HTR1F: variants seen among roughly 807,000 people sequenced by gnomAD.
The protein encoded by HTR1F is 5-hydroxytryptamine (serotonin) receptor 1F, G protein-coupled.
HTR1F carries 17 observed loss-of-function variants against 24.0 expected under a neutral mutation model. The ratio of observed to expected loss-of-function variants is 0.71; its 90% CI spans 0.48 to 1.06. The LOEUF is 1.06. Among genes scored for constraint, HTR1F ranks in the 50% least tolerant of loss-of-function variants. The pLI is 0.00. For missense variants in HTR1F, 391 were observed against 427.8 expected (o/e 0.91, Z 0.76); for synonymous variants, 186 against 156.8 (o/e 1.19, Z -1.39).
intron 1 of HTR1F, among the ~76,000 whole-genome samples, chr3:87,811,531 G>T (rs1452617959): frequency 6.6e-6 from 1 of 152,106 alleles, no homozygotes; most frequent in Non-Finnish European, 1.5e-5. Context: ...GAAAAGAAAA[G>T]TATTAATGTT....
At chr3:87,895,177 T>C (rs1016723008) in intron 2 of HTR1F, among the ~76,000 whole-genome samples, 15 of 152,150 alleles carry the variant, frequency 9.9e-5, no homozygotes, top group African/African-American at 3.6e-4. Flanking sequence ...CTATTTGATT[T>C]CTCTCTTAAT....
chr3:87,846,807 T>C (rs1238701581), intron 2 of HTR1F, among the ~76,000 whole-genome samples: 1 of 152,008 alleles, frequency 6.6e-6, no homozygotes, highest in Non-Finnish European at 1.5e-5. Flanking sequence ...ATAAGATTTA[T>C]AGCTTTTGAA....
chr3:87,934,375 A>G (rs1441896262), intron 2 of HTR1F, among the ~76,000 whole-genome samples: 1 of 152,136 alleles, frequency 6.6e-6, no homozygotes, highest in Non-Finnish European at 1.5e-5. Flanking sequence ...CCAACAGTCC[A>G]TATCTATGAC....
chr3:87,979,465 A>G (rs1284855528), intron 2 of HTR1F, among the ~76,000 whole-genome samples: 3 of 152,130 alleles, frequency 2.0e-5, no homozygotes, highest in African/African-American at 7.2e-5. Context: ...TTTTCCTTTC[A>G]TTCTGTTGAC....
intron 2 of HTR1F, among the ~76,000 whole-genome samples, chr3:87,827,074 G>A (rs1704479222): frequency 1.3e-5 from 2 of 151,610 alleles, no homozygotes; most frequent in Non-Finnish European, 2.9e-5. Context: ...GCCTCCCAAA[G>A]TGTGGGAATT....
chr3:87,972,723 C>T (rs913584123), intron 2 of HTR1F, among the ~76,000 whole-genome samples: 4 of 152,132 alleles, frequency 2.6e-5, no homozygotes, highest in African/African-American at 9.7e-5. Flanking sequence ...AGGAATCAAA[C>T]CTCCTTCTTC....
intron 2 of HTR1F, among the ~76,000 whole-genome samples, chr3:87,824,597 T>A (rs778600835): frequency 3.3e-5 from 5 of 152,308 alleles, no homozygotes; most frequent in Middle Eastern, 6.8e-3. Flanking sequence ...ACCTTGTGAA[T>A]GAAAGAATGA....
At chr3:87,828,239 C>T (rs555037434) in intron 2 of HTR1F, among the ~76,000 whole-genome samples, 101 of 152,326 alleles carry the variant, frequency 6.6e-4, no homozygotes, top group Non-Finnish European at 1.2e-3. Flanking sequence ...CACTTTGTAA[C>T]TGACAAAATG....
rs1300960637 is a variant in HTR1F, at chr3:87,843,416, G to A, written c.-43+21292G>A. 2.6e-5 allele frequency among the ~76,000 whole-genome samples: 4 copies of A among 151,252 alleles called. No individual in the cohort carries two copies. In the East Asian group the frequency reaches 7.8e-4, roughly 29 times the overall value. On this transcript the variant is annotated intron_variant, in intron 2 of 2. Transcript: ENST00000319595. ...TATGTCAGATGTTTATATCATACAT[G>A]TTGTTTTGAAGTAACTTGAGAGCAA... is the stretch of plus-strand genomic sequence containing the variant.
At chr3:87,819,426 T>C (rs1277704240) in intron 1 of HTR1F, among the ~76,000 whole-genome samples, 1 of 151,936 alleles carries the variant, frequency 6.6e-6, no homozygotes, top group Non-Finnish European at 1.5e-5. Context: ...GCAGTTTTAT[T>C]TTTCATCTAG....
intron 2 of HTR1F, among the ~76,000 whole-genome samples, chr3:87,954,646 T>C (rs1704905490): frequency 6.6e-6 from 1 of 151,618 alleles, no homozygotes; most frequent in African/African-American, 2.4e-5. Context: ...TTGTTGTTAA[T>C]GAAAACAAAG....
chr3:87,843,532 T>G (rs1704857308), intron 2 of HTR1F, among the ~76,000 whole-genome samples: 1 of 151,030 alleles, frequency 6.6e-6, no homozygotes, highest in South Asian at 2.1e-4. Flanking sequence ...TTTAATTTAT[T>G]TATTTTATTA....
At chr3:87,985,580 T>C (rs1705645970) in intron 2 of HTR1F, among the ~76,000 whole-genome samples, 1 of 152,224 alleles carries the variant, frequency 6.6e-6, no homozygotes, top group Non-Finnish European at 1.5e-5. Flanking sequence ...ATTAAGCATG[T>C]TAATGCATGG....
chr3:87,963,500 G>A (rs540933974), intron 2 of HTR1F, among the ~76,000 whole-genome samples: 28 of 152,128 alleles, frequency 1.8e-4, no homozygotes, highest in Middle Eastern at 3.4e-3. Context: ...GCCCCACAAG[G>A]AATAAAACAA....
At chr3:87,827,902 T>C (rs1704497546) in intron 2 of HTR1F, among the ~76,000 whole-genome samples, 1 of 152,164 alleles carries the variant, frequency 6.6e-6, no homozygotes. Flanking sequence ...AACTGTACCC[T>C]TCTCTCCTGG....
At chr3:87,901,011 A>G (rs1410190064) in intron 2 of HTR1F, among the ~76,000 whole-genome samples, 19 of 152,186 alleles carry the variant, frequency 1.2e-4, no homozygotes, top group Admixed American at 1.2e-3. Flanking sequence ...AACGACATCC[A>G]AGGACTGGGT....
chr3:87,960,421 G>T (rs1354711019), intron 2 of HTR1F, among the ~76,000 whole-genome samples: 1 of 151,914 alleles, frequency 6.6e-6, no homozygotes, highest in Non-Finnish European at 1.5e-5. Context: ...GAGTAGTCTG[G>T]GTCCTTCTAG....
chr3:87,845,114 A>G (rs1575936396), intron 2 of HTR1F, among the ~76,000 whole-genome samples: 7 of 151,822 alleles, frequency 4.6e-5, no homozygotes, highest in Admixed American at 4.6e-4. Flanking sequence ...TGAGAAACCC[A>G]CAGCCAATAT....
intron 2 of HTR1F, among the ~76,000 whole-genome samples, chr3:87,851,493 T>A (rs547164924): frequency 6.6e-6 from 1 of 151,858 alleles, no homozygotes; most frequent in South Asian, 2.1e-4. Flanking sequence ...GGGGCTTTAT[T>A]AGCTTTTTGA....
Sources: gnomAD v4.1 joint callset for allele counts (sites outside exome capture counted in the v4.1 genomes callset) on GRCh38, gnomAD v4.1.1 for gene constraint, MANE v1.5 for transcripts, NCBI Gene and HGNC (gene_info 2026-07-23, HGNC 2026-07-21) for gene names.